The following ANO7 variants were observed in gnomAD, a reference collection of about 807,000 sequenced individuals.
The protein encoded by ANO7 is anoctamin-7.
ANO7 carries 114 observed loss-of-function variants against 115.8 expected under a neutral mutation model. The ratio of observed to expected loss-of-function variants is 0.98; its 90% confidence interval spans 0.85 to 1.15. The LOEUF (loss-of-function observed/expected upper bound fraction) is 1.15. Ranked by LOEUF, ANO7 falls within the 50% of genes most tolerant of loss-of-function variation. The pLI, the probability that ANO7 is intolerant of heterozygous loss-of-function variation, is 0.00. For synonymous variants in ANO7, 550 were observed against 498.2 expected (o/e 1.10, Z -1.38); for missense variants, 1,302 against 1,201.2 (o/e 1.08, Z -1.24).
intron 22 of ANO7, 94 bp downstream of exon 22, chr2:241,223,370 G>C: frequency 7.4e-7 from 1 of 1,350,652 alleles, no homozygotes; most frequent in South Asian, 1.2e-5. Flanking sequence ...GGTCGGTGCC[G>C]TCACTTCCTG....
intron 3 of ANO7, among the ~76,000 whole-genome samples, chr2:241,192,434 T>C (rs1486551950): frequency 6.6e-6 from 1 of 152,180 alleles, no homozygotes; most frequent in Non-Finnish European, 1.5e-5. Context: ...GCTGGTGGCT[T>C]AGAGGCCTCT....
rs764025009 is a variant in ANO7, at chr2:241,223,923, G to T, written c.2551G>T (p.Gly851Ter). The change falls in exon 24 of 25, where the codon GGA (glycine) becomes TGA (stop). Residue 851 changes from glycine (G) to a stop codon, truncating the protein, a stop_gained. Transcript: ENST00000674324. LOFTEE classifies it low-confidence loss of function (END_TRUNC). ...GGGACAGGTTCTTTTTGGAACGAAC[G>T]GAACAAAGGATGAGCAGCCCGAGGG... Reference protein sequence around the residue: ...AENEVLFGTNGTKDEQPEGSE... With the variant: ...AENEVLFGTN The T allele has an allele frequency of 1.2e-6, 2 of 1,612,996 alleles. No individual in the cohort carries two copies. Among genetic ancestry groups the T allele is most frequent in the Admixed American group, 3.3e-5 (2 of 60,022 alleles).
At chr2:241,236,986 G>GCA in the ANO7 span, among the ~76,000 whole-genome samples, 36 of 150,370 alleles carry the variant, frequency 2.4e-4, no homozygotes, top group African/African-American at 8.3e-4. Context: ...TTGGGGGGGG[G>GCA]GGGGGGGGCG....
chr2:241,218,425 C>T (rs1449475517), intron 21 of ANO7, 44 bp downstream of exon 21: 1 of 1,224,642 alleles, frequency 8.2e-7, no homozygotes, highest in African/African-American at 1.6e-5. Context: ...CGCACGAGGA[C>T]GAGGCGGAGC....
chr2:241,191,943 G>A lies in ANO7; in HGVS notation c.166+692G>A, dbSNP rs536023532. The stretch of plus-strand genomic sequence containing the variant: ...ATGTCTTCCCTGGGTGAGCGCCCAC[G>A]AGCACGGGATGGGGGCCCCGGGGAG... On this transcript the variant is annotated intron_variant, in intron 3 of 24. Coordinates refer to ENST00000674324, the MANE Select transcript of ANO7 (RefSeq NM_001370694.2). Among the ~76,000 whole-genome samples the A allele has an allele frequency of 9.7e-4, 148 of 152,306 alleles. 1 individual carries two copies. Among genetic ancestry groups the A allele is most frequent in the African/African-American group, 3.2e-3 (131 of 41,560 alleles).
At chr2:241,238,830 A>G in the ANO7 span, 2 of 1,476,080 alleles carry the variant, frequency 1.4e-6, no homozygotes, top group Non-Finnish European at 1.8e-6. This position sits in a 1 kb window ranked among gnomAD's most constrained non-coding sequence, Gnocchi z 4.9. Flanking sequence ...AGCAAAGATT[A>G]AATTCCTTAG....
At position 241,203,384 on chromosome 2, in the gene ANO7, C is replaced by A. The variant is rs368075617; in HGVS notation, c.775C>A (p.Arg259Ser). The A allele has an allele frequency of 3.7e-6, 6 of 1,600,498 alleles. No individual in the cohort carries two copies. The highest frequency in any genetic ancestry group is 3.4e-5 in the Admixed American group (2 of 58,712). ...EGPQAPRLNQ[R>S]QVLFQHWARW... is the part of the protein sequence containing the mutation. ...CCCGCAGGCTCCACGCCTCAACCAG[C>A]GCCAAGTCCTTTTCCAGCACTGGGC... is the stretch of plus-strand genomic sequence containing the variant. The change falls in exon 9 of 25, where the codon CGC (arginine) becomes AGC (serine). Residue 259 changes from arginine (R) to serine (S), a missense_variant. Coordinates refer to ENST00000674324, the MANE Select transcript of ANO7 (RefSeq NM_001370694.2). This position sits in a 1 kb window ranked among gnomAD's most constrained non-coding sequence, Gnocchi z 4.8.
chr2:241,230,026 C>G, downstream of ANO7: 1 of 1,576,400 alleles, frequency 6.3e-7, no homozygotes, highest in Non-Finnish European at 8.6e-7. This position sits in a 1 kb window ranked among gnomAD's most constrained non-coding sequence, Gnocchi z 5.0. Flanking sequence ...CGCCCGCCTG[C>G]TCACCCCTGC....
chr2:241,199,450 G>A, intron 5 of ANO7, 27 bp downstream of exon 5: 1 of 1,607,892 alleles, frequency 6.2e-7, no homozygotes, highest in Non-Finnish European at 8.5e-7. Flanking sequence ...GGGACAGGGT[G>A]GGCCTGGAGG....
At chr2:241,199,940 TG>T in intron 5 of ANO7, 148 bp from the exon 6 acceptor site, 3 of 862,552 alleles carry the variant, frequency 3.5e-6, no homozygotes, top group Non-Finnish European at 5.2e-6. Context: ...GGGGCTCACC[TG>T]GGCCCTCACA....
chr2:241,201,866 C>G (rs1009682086), intron 7 of ANO7, among the ~76,000 whole-genome samples: 4 of 152,220 alleles, frequency 2.6e-5, no homozygotes, highest in African/African-American at 7.2e-5. Flanking sequence ...TTCACCGTCA[C>G]CCAGGGTGCA....
intron 10 of ANO7, among the ~76,000 whole-genome samples, chr2:241,206,215 C>T (rs1232966931): frequency 4.4e-5 from 1 of 22,588 alleles, no homozygotes; most frequent in Non-Finnish European, 7.7e-5. Context: ...CAGGCTGACA[C>T]AGGTGGACAG....
chr2:241,238,655 T>C, the ANO7 span: 1 of 1,567,940 alleles, frequency 6.4e-7, no homozygotes, highest in Admixed American at 1.8e-5. This position sits in a 1 kb window ranked among gnomAD's most constrained non-coding sequence, Gnocchi z 4.9. Flanking sequence ...CCACCTGCGT[T>C]CTCCTCTCTG....
chr2:241,201,293 C>A lies in ANO7; in HGVS notation c.555-5C>A, dbSNP rs1228584010. On this transcript the variant is annotated splice_region_variant and splice_polypyrimidine_tract_variant and intron_variant, in intron 6 of 24. Transcript: ENST00000674324. ...AAACCTTCTGCACTGTTCACATGCC[C>A]ACAGCTTCCTCGGGAGTGACAACCA... is the stretch of plus-strand genomic sequence containing the variant. The A allele has an allele frequency of 1.2e-6, 2 of 1,613,176 alleles. No individual in the cohort carries two copies. The highest frequency in any genetic ancestry group is 2.2e-5 in the South Asian group (2 of 90,888).
Position 241,216,122 on chromosome 2 carries a change from G to C in ANO7, c.1856G>C (p.Arg619Pro). 6.2e-7 allele frequency: 1 copy of C among 1,612,112 alleles called. No homozygotes were observed. The highest frequency in any genetic ancestry group is 8.5e-7 in the Non-Finnish European group (1 of 1,179,504). The change falls in exon 19 of 25, where the codon CGG (arginine) becomes CCG (proline). Residue 619 changes from arginine to proline, a missense_variant. Physicochemically the swap from Arg to Pro is moderately radical, Grantham distance 103 (BLOSUM62 -2). Transcript: ENST00000674324. Reference sequence around the variant, plus strand: ...CTAAAGGGCTGGTGGCAGAAGTTCCGGCTTCGCTCCAAGAAGAGGAAGGCG... The same window carrying C: ...CTAAAGGGCTGGTGGCAGAAGTTCCCGCTTCGCTCCAAGAAGAGGAAGGCG... ...PKLKGWWQKFRLRSKKRKAGA... is the reference protein window; with the variant it reads ...PKLKGWWQKFPLRSKKRKAGA...
chr2:241,240,190 G>A, the ANO7 span: 1 of 1,478,452 alleles, frequency 6.8e-7, no homozygotes, highest in African/African-American at 1.4e-5. The surrounding 1 kb of genome is among the most constrained non-coding windows in gnomAD (Gnocchi z 5.5). Context: ...GAAGACAAGA[G>A]GGTCTGTAGG....
downstream of ANO7, chr2:241,230,643 C>A (rs1314150777): frequency 2.2e-6 from 2 of 890,108 alleles, no homozygotes; most frequent in African/African-American, 1.7e-5. This position sits in a 1 kb window ranked among gnomAD's most constrained non-coding sequence, Gnocchi z 5.0. Context: ...ACTGCCAGCC[C>A]TGGGGTTGTG....
chr2:241,212,410 C>G (rs758626110), intron 16 of ANO7, among the ~76,000 whole-genome samples, 162 bp from the exon 17 acceptor site: 2 of 152,214 alleles, frequency 1.3e-5, no homozygotes, highest in Non-Finnish European at 2.9e-5. Context: ...CTACCCAGCT[C>G]GGGGGTCCAC....
chr2:241,199,468 C>G (rs758704632), intron 5 of ANO7, 45 bp downstream of exon 5: 4 of 1,585,534 alleles, frequency 2.5e-6, no homozygotes, highest in Non-Finnish European at 3.5e-6. Context: ...AGGTCCCGGT[C>G]CCCACACACT....
Sources: gnomAD v4.1 joint callset for allele counts (sites outside exome capture counted in the v4.1 genomes callset) on GRCh38, gnomAD v4.1.1 for gene constraint, Gnocchi (gnomAD v3.1) non-coding constraint, MANE v1.5 for transcripts, NCBI Gene and HGNC (gene_info 2026-07-23, HGNC 2026-07-21) for gene names.